The following TMED3 variants were observed in gnomAD, a reference collection of about 807,000 sequenced individuals.
TMED3 encodes the protein transmembrane p24 trafficking protein 3.
A neutral mutation model predicts 15.0 loss-of-function variants in TMED3; 9 were observed. The observed-to-expected ratio is 0.60, with a 90% CI of 0.36 to 1.04. The LOEUF is 1.04. Ranked by LOEUF, TMED3 falls within the 50% of genes least tolerant of loss-of-function variation. TMED3 has a pLI of 0.01. For missense variants in TMED3, 267 were observed against 278.9 expected, an observed-to-expected ratio of 0.96 and a Z score of 0.30; for synonymous variants, 117 against 121.4, an observed-to-expected ratio of 0.96 and a Z score of 0.24.
intron 2 of TMED3, among the ~76,000 whole-genome samples, chr15:79,349,216 C>G (rs112119156): frequency 2.6e-5 from 4 of 152,110 alleles, no homozygotes; most frequent in Admixed American, 6.6e-5. Flanking sequence ...TGTGTCCTCA[C>G]GACAAAAATG....
Position 79,311,119 on chromosome 15 carries a change from G to T in TMED3, c.-131G>T. ...GCGCACTGAGCCGCCGGCCCTCCCGGAAGCGCAGAGCTCCGCTGGTGCCAC... is the reference window on the plus strand; with the variant it reads ...GCGCACTGAGCCGCCGGCCCTCCCGTAAGCGCAGAGCTCCGCTGGTGCCAC... On this transcript the variant is annotated 5_prime_UTR_variant, in exon 1 of 3. Transcript: ENST00000299705. The T allele has an allele frequency of 4.0e-6, 4 of 1,009,566 alleles. No homozygotes were observed. Among genetic ancestry groups the T allele is most frequent in the Non-Finnish European group, 5.4e-6 (4 of 745,652 alleles). 62.5% of individuals were successfully genotyped at this position (1,009,566 alleles called of 1,614,324 possible).
rs1046213552 is a variant in TMED3, at chr15:79,337,789, G to C, written c.417+23784G>C. On this transcript the variant is annotated intron_variant, in intron 2 of 2. Transcript: ENST00000424155. ...GCAGACCACATGGTCTCTCCCCTCT[G>C]ACCCTCAGTTTCCTCGTTTGTAACA... Among the ~76,000 whole-genome samples the C allele has an allele frequency of 2.8e-4, 42 of 152,210 alleles. 1 individual carries two copies. The highest frequency in any genetic ancestry group is 6.5e-5 in the Admixed American group (1 of 15,282).
downstream of TMED3, among the ~76,000 whole-genome samples, chr15:79,323,575 A>G (rs1339737705): frequency 1.3e-5 from 2 of 152,224 alleles, no homozygotes; most frequent in Non-Finnish European, 2.9e-5. Flanking sequence ...TGCTCCTGCT[A>G]CCTAGATTAA....
chr15:79,386,311 A>C (rs1893625849), intron 2 of TMED3, among the ~76,000 whole-genome samples: 1 of 152,254 alleles, frequency 6.6e-6, no homozygotes, highest in Non-Finnish European at 1.5e-5. Flanking sequence ...TAAACAAAAC[A>C]AAATAACTTG....
At chr15:79,315,262 T>G (rs140261606) in intron 2 of TMED3, among the ~76,000 whole-genome samples, 23 of 152,310 alleles carry the variant, frequency 1.5e-4, no homozygotes, top group African/African-American at 5.5e-4. Context: ...TTAATTAAAA[T>G]TAAATTAAAA....
At chr15:79,409,733 CT>C (rs1387551744) in intron 2 of TMED3, among the ~76,000 whole-genome samples, 3 of 152,078 alleles carry the variant, frequency 2.0e-5, no homozygotes, top group Non-Finnish European at 4.4e-5. Flanking sequence ...AAAAGAATGC[CT>C]TTGGTTTGCC....
rs188087819 is a variant in TMED3, at chr15:79,353,690, G to T, written c.417+39685G>T. Reference sequence around the variant, plus strand: ...CTCGATGGCAGAGCAAGTGTAATTGGTAGGTTTTGTGTTGTATTTTGCTTT... The same window carrying T: ...CTCGATGGCAGAGCAAGTGTAATTGTTAGGTTTTGTGTTGTATTTTGCTTT... On this transcript the variant is annotated intron_variant, in intron 2 of 2. Transcript: ENST00000424155. 2.1e-3 allele frequency among the ~76,000 whole-genome samples: 313 copies of T among 150,788 alleles called. 3 individuals carry two copies. Among genetic ancestry groups the T allele is most frequent in the African/African-American group, 7.5e-3 (307 of 40,996 alleles).
At chr15:79,404,751 G>T (rs886552556) in intron 2 of TMED3, among the ~76,000 whole-genome samples, 5 of 152,184 alleles carry the variant, frequency 3.3e-5, no homozygotes, top group Non-Finnish European at 4.4e-5. Context: ...ACTCAAACTT[G>T]ACCATTTAGG....
At chr15:79,350,149 G>C (rs575123191) in intron 2 of TMED3, among the ~76,000 whole-genome samples, 1 of 152,208 alleles carries the variant, frequency 6.6e-6, no homozygotes, top group African/African-American at 2.4e-5. Context: ...AGGATGAATA[G>C]ATGGATAGAT....
rs113724320 is a variant in TMED3 at position 79,317,193 on chromosome 15, C to T, written c.417+3188C>T. Among the ~76,000 whole-genome samples the T allele has an allele frequency of 2.4e-4, 37 of 152,336 alleles. 1 individual carries two copies. Among genetic ancestry groups the T allele is most frequent in the African/African-American group, 8.4e-4 (35 of 41,578 alleles). ...TGATCTGAGATTGTTCCTTTAAAGG[C>T]CACGAGGCCTCTTCATGCAGTCTCC... On this transcript the variant is annotated intron_variant, in intron 2 of 2. Transcript: ENST00000299705.
At chr15:79,341,468 G>A (rs911469133) in intron 2 of TMED3, among the ~76,000 whole-genome samples, 1 of 152,168 alleles carries the variant, frequency 6.6e-6, no homozygotes, top group African/African-American at 2.4e-5. Flanking sequence ...ATAAGAGGGA[G>A]CTTGAGCTTC....
intron 2 of TMED3, among the ~76,000 whole-genome samples, chr15:79,355,371 T>C (rs11858385): frequency 0.094 from 14,247 of 152,074 alleles, 709 homozygotes; most frequent in Admixed American, 0.12. Flanking sequence ...TTTGCAACAG[T>C]GGATCCAGCC....
At chr15:79,392,290 G>GGT (rs1201074654) in intron 2 of TMED3, among the ~76,000 whole-genome samples, 4 of 152,302 alleles carry the variant, frequency 2.6e-5, no homozygotes, top group South Asian at 4.1e-4. Context: ...TTCTTGTAGT[G>GGT]GTAGCCTGGG....
At chr15:79,331,645 A>G (rs906311067) in intron 2 of TMED3, among the ~76,000 whole-genome samples, 1 of 152,198 alleles carries the variant, frequency 6.6e-6, no homozygotes, top group African/African-American at 2.4e-5. Context: ...ATATTTTCGA[A>G]GTATTCATCA....
At chr15:79,317,697 C>A (rs1418103555) in intron 2 of TMED3, among the ~76,000 whole-genome samples, 1 of 152,192 alleles carries the variant, frequency 6.6e-6, no homozygotes, top group African/African-American at 2.4e-5. Context: ...GTCTCCATCC[C>A]TCCCACTGAT....
intron 2 of TMED3, among the ~76,000 whole-genome samples, chr15:79,338,141 A>G (rs2058833961): frequency 1.3e-5 from 2 of 152,232 alleles, no homozygotes; most frequent in African/African-American, 2.4e-5. Context: ...TGTATAATAT[A>G]TAGTAAAATT....
intron 2 of TMED3, among the ~76,000 whole-genome samples, chr15:79,316,987 G>T (rs2141214342): frequency 6.6e-6 from 1 of 152,242 alleles, no homozygotes; most frequent in East Asian, 1.9e-4. Flanking sequence ...TGGTGAGGGT[G>T]AGCATCCAGG....
At chr15:79,407,220 C>T (rs1893913852) in intron 2 of TMED3, among the ~76,000 whole-genome samples, 1 of 152,186 alleles carries the variant, frequency 6.6e-6, no homozygotes, top group Admixed American at 6.5e-5. Context: ...GGAGCCATTC[C>T]AGCAGTAAGT....
At chr15:79,318,358 A>T (rs183466768) in intron 2 of TMED3, among the ~76,000 whole-genome samples, 6 of 152,330 alleles carry the variant, frequency 3.9e-5, no homozygotes, top group Admixed American at 3.3e-4. Context: ...GGCCTAGCAC[A>T]GTGCCTGGAA....
Sources: allele counts gnomAD v4.1 joint callset (sites outside exome capture counted in the v4.1 genomes callset), GRCh38; gene constraint gnomAD v4.1.1; transcripts MANE v1.5; gene names NCBI Gene and HGNC (gene_info 2026-07-23, HGNC 2026-07-21).